The following TDRD1 variants were observed in gnomAD, a reference collection of about 807,000 sequenced individuals.
The protein encoded by TDRD1 is tudor domain-containing protein 1.
A neutral mutation model predicts 140.6 loss-of-function variants in TDRD1; 37 were observed. The ratio of observed to expected loss-of-function variants is 0.26; its 90% CI spans 0.20 to 0.35. The LOEUF is 0.35. Among genes scored for constraint, TDRD1 ranks in the 10% least tolerant of loss-of-function variants. The pLI, the probability that TDRD1 is intolerant of heterozygous loss-of-function variation, is 1.00. For synonymous variants in TDRD1, 506 were observed against 475.7 expected (o/e 1.06, Z -0.83); for missense variants, 1,243 against 1,393.0 (o/e 0.89, Z 1.71).
At chr10:114,226,901 C>G (rs1262117359) in intron 22 of TDRD1, among the ~76,000 whole-genome samples, 171 bp from the exon 23 acceptor site, 1 of 152,142 alleles carries the variant, frequency 6.6e-6, no homozygotes, top group Non-Finnish European at 1.5e-5. Flanking sequence ...GGTGATCAAT[C>G]AATATGTATT....
intron 4 of TDRD1, among the ~76,000 whole-genome samples, chr10:114,200,450 T>C (rs2034654367): frequency 6.6e-6 from 1 of 152,202 alleles, no homozygotes; most frequent in Non-Finnish European, 1.5e-5. Flanking sequence ...AAAAATCCTT[T>C]ATTTCAAGAT....
At chr10:114,184,958 C>T (rs1025547626) in intron 1 of TDRD1, among the ~76,000 whole-genome samples, 3 of 151,780 alleles carry the variant, frequency 2.0e-5, no homozygotes, top group Non-Finnish European at 4.4e-5. Flanking sequence ...AGCATATACT[C>T]AGTGTTGAAA....
intron 25 of TDRD1, chr10:114,228,514 T>C (rs2036571144): frequency 1.0e-6 from 1 of 995,532 alleles, no homozygotes; most frequent in South Asian, 4.6e-5. Flanking sequence ...GCTGTAAATA[T>C]GTTTAGCACT....
chr10:114,187,075 G>C (rs746412623), intron 1 of TDRD1, among the ~76,000 whole-genome samples: 1 of 152,178 alleles, frequency 6.6e-6, no homozygotes, highest in Non-Finnish European at 1.5e-5. Context: ...TTCTTTAAGA[G>C]TAACGGAAAA....
At chr10:114,207,531 C>T (rs2035204839) in intron 11 of TDRD1, among the ~76,000 whole-genome samples, 1 of 152,174 alleles carries the variant, frequency 6.6e-6, no homozygotes, top group Non-Finnish European at 1.5e-5. Context: ...TAAGAACACA[C>T]ATCTTGGTGG....
exon 2 of TDRD1, chr10:114,187,846 G>A (rs138882204): frequency 4.2e-5 from 67 of 1,587,884 alleles, no homozygotes; most frequent in Non-Finnish European, 5.2e-5. Context: ...GTGTTAAATC[G>A]CCATTTAATG....
intron 16 of TDRD1, among the ~76,000 whole-genome samples, chr10:114,215,871 A>C (rs911396500): frequency 5.9e-5 from 9 of 152,170 alleles, no homozygotes. Context: ...TCAATTTTCC[A>C]AATATTTTTT....
intron 4 of TDRD1, among the ~76,000 whole-genome samples, chr10:114,200,650 A>G (rs1171742909): frequency 2.0e-5 from 3 of 151,980 alleles, no homozygotes; most frequent in East Asian, 1.9e-4. Flanking sequence ...CAGCCTTCCA[A>G]GTAACTGGGA....
At chr10:114,228,499 A>T in intron 25 of TDRD1, 3 of 1,011,596 alleles carry the variant, frequency 3.0e-6, no homozygotes, top group Middle Eastern at 5.0e-4. Context: ...TCACTTATGC[A>T]CATTGCTGTA....
rs186746530 is a variant in TDRD1, at chr10:114,221,511, A to G, written c.2890+35A>G. 19 of 1,600,728 alleles carry G rather than the reference A, an allele frequency of 1.2e-5. No homozygotes were observed. In the East Asian group the frequency reaches 1.8e-4, roughly 15 times the overall value. On this transcript the variant is annotated intron_variant, in intron 20 of 25. Transcript: ENST00000251864. ...CAAAATTTGAGACATATTTATGCTC[A>G]TCTTTTAAACTGTAAAACGAAAGTG...
intron 11 of TDRD1, among the ~76,000 whole-genome samples, chr10:114,207,274 C>G (rs1170293670): frequency 6.6e-6 from 1 of 152,232 alleles, no homozygotes; most frequent in South Asian, 2.1e-4. Context: ...CATCCTATCA[C>G]ATAAGCACAC....
chr10:114,209,821 A>G (rs1448497158), intron 11 of TDRD1, among the ~76,000 whole-genome samples: 1 of 152,218 alleles, frequency 6.6e-6, no homozygotes, highest in Admixed American at 6.5e-5. Flanking sequence ...TCTGTGTTTA[A>G]AACAATGAAG....
chr10:114,210,547 A>C, intron 11 of TDRD1, 34 bp from the exon 12 acceptor site: 1 of 1,536,360 alleles, frequency 6.5e-7, no homozygotes, highest in Non-Finnish European at 8.8e-7. Context: ...GGATGAAAAC[A>C]AAATGGCTTA....
intron 4 of TDRD1, among the ~76,000 whole-genome samples, chr10:114,199,786 G>A (rs1467280845): frequency 2.8e-4 from 43 of 152,312 alleles, no homozygotes; most frequent in South Asian, 2.1e-4. Context: ...GCCGTTGCAC[G>A]TACAATTATT....
At chr10:114,224,440 A>G (rs1261903995) in intron 21 of TDRD1, among the ~76,000 whole-genome samples, 1 of 152,134 alleles carries the variant, frequency 6.6e-6, no homozygotes, top group Non-Finnish European at 1.5e-5. Context: ...TGGGCCCCTT[A>G]CATCTAGAAA....
exon 19 of TDRD1, chr10:114,220,822 G>A: frequency 6.2e-7 from 1 of 1,611,764 alleles, no homozygotes. Context: ...TGAGCTTCAA[G>A]TTCATGTACA....
intron 21 of TDRD1, among the ~76,000 whole-genome samples, chr10:114,224,732 T>G (rs1255757399): frequency 1.3e-5 from 2 of 152,186 alleles, no homozygotes; most frequent in East Asian, 3.8e-4. Context: ...CTTTCAAGAG[T>G]GGAATGTCAT....
At position 114,201,368 on chromosome 10, in the gene TDRD1, C is replaced by T. The variant is rs761779027; in HGVS notation, c.530-42C>T. 6.0e-6 allele frequency: 9 copies of T among 1,511,658 alleles called. No homozygotes were observed. The South Asian group carries it at 1.0e-4, about 17-fold the overall frequency. The allele number at this position is 1,511,658 out of a possible 1,614,324, so 93.6% of individuals were successfully genotyped here. On this transcript the variant is annotated intron_variant, in intron 4 of 25. Coordinates refer to ENST00000251864, the Ensembl canonical transcript of TDRD1. ...GCTAAAGTGTGGACTTTGAGAATGT[C>T]TTGATCTTCATCTGAACTATTTTGT...
intron 21 of TDRD1, among the ~76,000 whole-genome samples, chr10:114,225,166 C>A (rs1479316013): frequency 1.3e-5 from 2 of 152,224 alleles, no homozygotes; most frequent in African/African-American, 4.8e-5. Context: ...GGAGAGGAAA[C>A]CTCCAGTCTT....
Sources: gnomAD v4.1 joint callset for allele counts (sites outside exome capture counted in the v4.1 genomes callset) on GRCh38, gnomAD v4.1.1 for gene constraint, MANE v1.5 for transcripts, NCBI Gene and HGNC (gene_info 2026-07-23, HGNC 2026-07-21) for gene names.